The following OR7E24 variants were observed in gnomAD, a reference collection of about 807,000 sequenced individuals.
OR7E24 encodes olfactory receptor 7E24.
For synonymous variants in OR7E24, 130 were observed against 157.5 expected (o/e 0.83, Z 1.31); for missense variants, 385 against 410.3 (o/e 0.94, Z 0.53).
chr19:9,226,838 A>G, the OR7E24 span, among the ~76,000 whole-genome samples: 3 of 152,164 alleles, frequency 2.0e-5, no homozygotes, highest in African/African-American at 7.2e-5. Context: ...AAAGTCCCCA[A>G]GTGGCTCCCT....
chr19:9,230,442 C>G, the OR7E24 span, among the ~76,000 whole-genome samples: 2 of 152,118 alleles, frequency 1.3e-5, no homozygotes, highest in Non-Finnish European at 2.9e-5. Flanking sequence ...GAAGCTGAAG[C>G]CTCTTTCCGG....
upstream of OR7E24, among the ~76,000 whole-genome samples, chr19:9,249,045 G>T (rs943696931): frequency 6.6e-6 from 1 of 152,222 alleles, no homozygotes; most frequent in Non-Finnish European, 1.5e-5. Context: ...GTGTGCTCCT[G>T]TGTGATCCCT....
At chr19:9,237,890 A>G in the OR7E24 span, among the ~76,000 whole-genome samples, 1 of 152,162 alleles carries the variant, frequency 6.6e-6, no homozygotes, top group East Asian at 1.9e-4. Flanking sequence ...GCAAGTGACA[A>G]ACTGAGTTTT....
At position 9,251,182 on chromosome 19, in the gene OR7E24, G is replaced by T. The variant is rs367555626; in HGVS notation, c.139G>T (p.Gly47Trp). ...EDPELQPVLA[G>W]LFLSMYLVTV... ...TCCAGAACTGCAGCCGGTCCTCGCT[G>T]GGCTGTTCCTGTCCATGTACCTGGT... is the stretch of plus-strand genomic sequence containing the variant. The change falls in exon 1 of 1, where the codon GGG becomes TGG. Residue 47 changes from glycine to tryptophan, a missense_variant. Gly to Trp is a radical substitution (Grantham distance 184). Coordinates refer to ENST00000456448, the MANE Select transcript of OR7E24 (RefSeq NM_001079935.2). The T allele has an allele frequency of 1.2e-6, 2 of 1,613,930 alleles. No individual in the cohort carries two copies.
the OR7E24 span, among the ~76,000 whole-genome samples, chr19:9,216,293 G>A: frequency 1.6e-4 from 25 of 152,220 alleles, no homozygotes; most frequent in Middle Eastern, 3.4e-3. Context: ...ATGTTCTTCT[G>A]ATGAAGAGGT....
chr19:9,216,901 G>C, the OR7E24 span, among the ~76,000 whole-genome samples: 2 of 152,098 alleles, frequency 1.3e-5, no homozygotes, highest in Non-Finnish European at 2.9e-5. Context: ...CTGAACTTTT[G>C]TTTTTAACAT....
the OR7E24 span, among the ~76,000 whole-genome samples, chr19:9,238,544 T>C: frequency 6.6e-6 from 1 of 152,190 alleles, no homozygotes. Context: ...TCCCCACCCA[T>C]TTGTATGTTA....
At chr19:9,240,964 C>G in the OR7E24 span, among the ~76,000 whole-genome samples, 1 of 151,962 alleles carries the variant, frequency 6.6e-6, no homozygotes, top group African/African-American at 2.4e-5. Flanking sequence ...ATTACAGGTG[C>G]CCGCCACCAC....
the OR7E24 span, chr19:9,212,966 T>G: frequency 6.6e-6 from 1 of 152,108 alleles, no homozygotes; most frequent in South Asian, 2.1e-4. Flanking sequence ...AAGTTAGAAG[T>G]GTGGGCAAAG....
At chr19:9,250,214 C>A (rs1041514029), upstream of OR7E24, among the ~76,000 whole-genome samples, 1 of 152,110 alleles carries the variant, frequency 6.6e-6, no homozygotes, top group Non-Finnish European at 1.5e-5. Flanking sequence ...CCTGACTCAG[C>A]CTCCTGAGTA....
At chr19:9,214,364 A>G in the OR7E24 span, 1 of 1,614,154 alleles carries the variant, frequency 6.2e-7, no homozygotes, top group Non-Finnish European at 8.5e-7. Context: ...GTAGAATATG[A>G]ACCAGGGAGA....
At chr19:9,241,065 C>T in the OR7E24 span, among the ~76,000 whole-genome samples, 1 of 152,176 alleles carries the variant, frequency 6.6e-6, no homozygotes. Context: ...GATCCACCCG[C>T]CTCGGCCACC....
chr19:9,251,982 G>A lies in OR7E24; in HGVS notation c.939G>A (p.Lys313=), dbSNP rs1599235203. 1 of 1,614,126 alleles carries A rather than the reference G, an allele frequency of 6.2e-7. No individual in the cohort carries two copies. The highest frequency in any genetic ancestry group is 8.5e-7 in the Non-Finnish European group (1 of 1,180,018). Residue 313 remains lysine (K), a synonymous_variant, in exon 1 of 1, where the codon AAG becomes AAA. Coordinates refer to ENST00000456448, the MANE Select transcript of OR7E24 (RefSeq NM_001079935.2). ...LNPFIYSLRN[K]DIQSALCRLH... ...CCTTCATCTACAGCCTGAGGAACAA[G>A]GACATTCAAAGTGCCCTGTGCAGGC...
At chr19:9,243,022 C>T (rs185262552), upstream of OR7E24, among the ~76,000 whole-genome samples, 411 of 152,190 alleles carry the variant, frequency 2.7e-3, 6 homozygotes, top group African/African-American at 9.4e-3. Context: ...AATAATTATA[C>T]GATAGAAAAG....
the OR7E24 span, among the ~76,000 whole-genome samples, chr19:9,234,104 A>G: frequency 6.6e-6 from 1 of 152,024 alleles, no homozygotes; most frequent in Non-Finnish European, 1.5e-5. Context: ...GGGTTTCACC[A>G]TGTTGGCCAG....
At chr19:9,243,006 A>G (rs927181861), upstream of OR7E24, among the ~76,000 whole-genome samples, 1 of 152,110 alleles carries the variant, frequency 6.6e-6, no homozygotes, top group African/African-American at 2.4e-5. Context: ...AGATTGTAGA[A>G]CATGTAATAA....
the OR7E24 span, among the ~76,000 whole-genome samples, chr19:9,230,513 C>T: frequency 6.6e-6 from 1 of 152,144 alleles, no homozygotes; most frequent in African/African-American, 2.4e-5. Flanking sequence ...AAATCCTCTC[C>T]ACTCTCTGCC....
upstream of OR7E24, among the ~76,000 whole-genome samples, chr19:9,249,884 G>A (rs1010026894): frequency 2.0e-5 from 3 of 152,062 alleles, no homozygotes; most frequent in Non-Finnish European, 4.4e-5. Context: ...GAACCCAGGA[G>A]GCGGAGGCTG....
At chr19:9,249,535 G>A (rs1568335695), upstream of OR7E24, among the ~76,000 whole-genome samples, 1 of 152,084 alleles carries the variant, frequency 6.6e-6, no homozygotes, top group African/African-American at 2.4e-5. Flanking sequence ...GATTTTTACA[G>A]GCATAAAAAA....
Sources: allele counts gnomAD v4.1 joint callset (sites outside exome capture counted in the v4.1 genomes callset), GRCh38; gene constraint gnomAD v4.1.1; transcripts MANE v1.5; gene names NCBI Gene and HGNC (gene_info 2026-07-23, HGNC 2026-07-21).